ANK2: variants seen among roughly 807,000 people sequenced by gnomAD.
ANK2 encodes the protein ankyrin 2, also known as ankyrin-2.
Under a neutral mutation model 360.5 loss-of-function variants are expected in ANK2, and 83 were observed. The observed-to-expected ratio is 0.23, with a 90% CI of 0.19 to 0.28. The LOEUF (loss-of-function observed/expected upper bound fraction) is 0.28, where lower values mean the gene tolerates loss of function less well. Among genes scored for constraint, ANK2 ranks in the 10% least tolerant of loss-of-function variants. The pLI is 1.00. For missense variants in ANK2, 4,201 were observed against 4,795.7 expected, an observed-to-expected ratio of 0.88 and a Z score of 3.66; for synonymous variants, 1,740 against 1,759.5, an observed-to-expected ratio of 0.99 and a Z score of 0.28.
the ANK2 span, among the ~76,000 whole-genome samples, chr4:112,810,159 ATT>A: frequency 0.018 from 608 of 33,736 alleles, no homozygotes; most frequent in Middle Eastern, 0.023. Flanking sequence ...ATATATATAT[ATT>A]TTTTTTTTTT....
chr4:113,264,638 C>A (rs1366998910), intron 13 of ANK2, among the ~76,000 whole-genome samples: 7 of 151,438 alleles, frequency 4.6e-5, no homozygotes, highest in Admixed American at 4.0e-4. Flanking sequence ...AAGAGAATCG[C>A]TTGAACCCTG....
At chr4:113,377,648 G>T (rs897464123) in intron 45 of ANK2, among the ~76,000 whole-genome samples, 1 of 152,100 alleles carries the variant, frequency 6.6e-6, no homozygotes, top group Admixed American at 6.5e-5. Flanking sequence ...GAATTCATTG[G>T]AATATTAAAA....
chr4:113,107,615 T>C (rs75531235), intron 1 of ANK2, among the ~76,000 whole-genome samples: 2 of 152,336 alleles, frequency 1.3e-5, no homozygotes, highest in Admixed American at 6.5e-5. Context: ...GCACACACAC[T>C]ATCTCTGGGG....
chr4:112,729,097 G>A, the ANK2 span, among the ~76,000 whole-genome samples: 1 of 152,028 alleles, frequency 6.6e-6, no homozygotes, highest in African/African-American at 2.4e-5. Context: ...GTGCTTAGGG[G>A]ATGAGGCGGG....
intron 35 of ANK2, among the ~76,000 whole-genome samples, chr4:113,346,874 G>T (rs987405923): frequency 6.6e-6 from 1 of 152,172 alleles, no homozygotes; most frequent in African/African-American, 2.4e-5. Flanking sequence ...AATCAAAGAA[G>T]ACAACTAAAT....
chr4:113,171,311 G>T (rs1426671957), intron 1 of ANK2, among the ~76,000 whole-genome samples: 1 of 152,070 alleles, frequency 6.6e-6, no homozygotes, highest in African/African-American at 2.4e-5. Flanking sequence ...TTGTGTCAAG[G>T]GCCTTAATCA....
At chr4:113,095,444 T>C (rs2090584453) in intron 1 of ANK2, among the ~76,000 whole-genome samples, 1 of 152,230 alleles carries the variant, frequency 6.6e-6, no homozygotes, top group Non-Finnish European at 1.5e-5. Context: ...TTTGGAGTCA[T>C]TTTAATGATG....
chr4:112,880,476 T>C (rs1266385859), intron 1 of ANK2: 2 of 152,234 alleles, frequency 1.3e-5, no homozygotes, highest in African/African-American at 2.4e-5. Context: ...GACATAACTT[T>C]TGAGTTTTAG....
At chr4:112,821,063 T>C (rs10461190) in intron 1 of ANK2, among the ~76,000 whole-genome samples, 110,801 of 152,062 alleles carry the variant, frequency 0.73, 41,272 homozygotes, top group East Asian at 0.97. Context: ...AGGCATGCGC[T>C]ACCATGCCTG....
intron 2 of ANK2, among the ~76,000 whole-genome samples, chr4:113,181,517 A>G (rs1002462792): frequency 6.6e-6 from 1 of 152,174 alleles, no homozygotes; most frequent in African/African-American, 2.4e-5. Context: ...GTGCAGAGAG[A>G]CAAAAACTCT....
rs112008696 is a variant in ANK2 at position 113,171,490 on chromosome 4, C to T, written c.85-2926C>T. On this transcript the variant is annotated intron_variant, in intron 1 of 45. Transcript: ENST00000357077. ...GTCTTTGGAATTTACATTCTTGGACCATTTTATGATAATATTTCCATTTAA... is the reference window on the plus strand; with the variant it reads ...GTCTTTGGAATTTACATTCTTGGACTATTTTATGATAATATTTCCATTTAA... Among the ~76,000 whole-genome samples, 407 of 152,232 alleles carry T rather than the reference C, an allele frequency of 2.7e-3. 1 individual carries two copies. The highest frequency in any genetic ancestry group is 9.5e-3 in the African/African-American group (394 of 41,556).
intron 1 of ANK2, among the ~76,000 whole-genome samples, chr4:113,076,124 G>A (rs1202678495): frequency 6.6e-6 from 1 of 152,172 alleles, no homozygotes. Context: ...CAATCTTTTG[G>A]CTTCACTGGG....
intron 1 of ANK2, among the ~76,000 whole-genome samples, chr4:113,052,326 C>T (rs1024174401): frequency 2.0e-5 from 3 of 152,164 alleles, no homozygotes; most frequent in African/African-American, 7.2e-5. Flanking sequence ...TAGAGGTTTA[C>T]ATTGAATCTG....
chr4:112,872,068 C>T (rs2073285169), intron 1 of ANK2, among the ~76,000 whole-genome samples: 1 of 151,024 alleles, frequency 6.6e-6, no homozygotes, highest in Non-Finnish European at 1.5e-5. Flanking sequence ...ATTCTATTAC[C>T]CAGCCTGGAG....
Position 113,335,918 on chromosome 4 carries a change from T to G in ANK2, c.3452T>G (p.Phe1151Cys), listed in dbSNP as rs1276293465. 6.2e-7 allele frequency: 1 copy of G among 1,613,984 alleles called. No homozygotes were observed. The highest frequency in any genetic ancestry group is 8.5e-7 in the Non-Finnish European group (1 of 1,180,018). Residue 1151 changes from phenylalanine to cysteine, a missense_variant, in exon 30 of 46, where the codon TTT becomes TGT. Physicochemically the swap from Phe to Cys is radical, Grantham distance 205 (BLOSUM62 -2). Coordinates refer to ENST00000357077, the MANE Select transcript of ANK2 (RefSeq NM_001148.6). ...RIITRDFPQY[F>C]AVVSRIKQDS... ...ATCACCCGAGACTTCCCACAGTACT[T>G]TGCAGTGGTGTCTCGTATCAAACAG...
chr4:112,752,332 G>A, the ANK2 span, among the ~76,000 whole-genome samples: 4 of 152,178 alleles, frequency 2.6e-5, no homozygotes, highest in African/African-American at 9.6e-5. Flanking sequence ...GGAGGCAAGA[G>A]AGCAACTCTG....
chr4:113,318,903 C>T lies in ANK2; in HGVS notation c.2900+283C>T, dbSNP rs74906594. ...CTACCTAACTGGAATATACTAGTGG[C>T]CTTCCTACTATTCACGTACTGTCTT... On this transcript the variant is annotated intron_variant, in intron 26 of 45. Transcript: ENST00000357077. 2.0e-3 allele frequency among the ~76,000 whole-genome samples: 299 copies of T among 152,268 alleles called. 1 individual carries two copies. Among genetic ancestry groups the T allele is most frequent in the African/African-American group, 6.3e-3 (260 of 41,560 alleles).
At chr4:113,308,399 T>G (rs1230945806) in intron 23 of ANK2, among the ~76,000 whole-genome samples, 1 of 152,196 alleles carries the variant, frequency 6.6e-6, no homozygotes, top group East Asian at 1.9e-4. Context: ...AGAAGGCAAT[T>G]GGAATATAGA....
chr4:113,308,277 T>C (rs1012791961), intron 23 of ANK2, among the ~76,000 whole-genome samples: 14 of 152,178 alleles, frequency 9.2e-5, no homozygotes, highest in African/African-American at 3.4e-4. Context: ...TTTGCTCATG[T>C]AGGGAATTTT....
Sources: allele counts gnomAD v4.1 joint callset (sites outside exome capture counted in the v4.1 genomes callset), GRCh38; gene constraint gnomAD v4.1.1; transcripts MANE v1.5; gene names NCBI Gene and HGNC (gene_info 2026-07-23, HGNC 2026-07-21).